UBE2E3: variants seen among roughly 807,000 people sequenced by gnomAD.
UBE2E3 encodes ubiquitin conjugating enzyme E2 E3.
In UBE2E3, 5 loss-of-function variants were observed where a neutral mutation model predicts 23.6. The ratio of observed to expected loss-of-function variants is 0.21; its 90% CI spans 0.11 to 0.44. UBE2E3 has a LOEUF of 0.44. Ranked by LOEUF, UBE2E3 falls within the 20% of genes least tolerant of loss-of-function variation. The pLI is 0.99. For synonymous variants in UBE2E3, 78 were observed against 87.5 expected, an observed-to-expected ratio of 0.89 and a Z score of 0.60; for missense variants, 81 against 249.8, an observed-to-expected ratio of 0.32 and a Z score of 4.55.
intron 3 of UBE2E3, among the ~76,000 whole-genome samples, chr2:180,998,035 A>G (rs1352694477): frequency 1.3e-5 from 2 of 152,328 alleles, no homozygotes; most frequent in Admixed American, 1.3e-4. Flanking sequence ...AAAATGCCGT[A>G]GCACTAACTA....
chr2:181,011,267 C>T (rs1344150223), intron 3 of UBE2E3, among the ~76,000 whole-genome samples: 1 of 151,968 alleles, frequency 6.6e-6, no homozygotes, highest in East Asian at 1.9e-4. Context: ...GCAGGACCTT[C>T]TTTCTAGGAT....
intron 4 of UBE2E3, among the ~76,000 whole-genome samples, chr2:181,059,192 A>G (rs947480033): frequency 2.6e-5 from 4 of 151,722 alleles, no homozygotes; most frequent in Admixed American, 6.6e-5. Flanking sequence ...TAGTTGGACA[A>G]ATGAAAAATA....
At chr2:181,028,076 T>G (rs1201837855) in intron 3 of UBE2E3, among the ~76,000 whole-genome samples, 2 of 152,062 alleles carry the variant, frequency 1.3e-5, no homozygotes, top group Admixed American at 1.3e-4. Flanking sequence ...TCCTTACTTC[T>G]TATAAAAATA....
chr2:181,028,789 A>G (rs183860302), intron 3 of UBE2E3, among the ~76,000 whole-genome samples: 1 of 152,122 alleles, frequency 6.6e-6, no homozygotes, highest in Admixed American at 6.5e-5. Flanking sequence ...TTGTACATAT[A>G]TGTTGCAAAA....
At chr2:180,981,852 A>G (rs1684303257) in intron 1 of UBE2E3, among the ~76,000 whole-genome samples, 166 bp from the exon 2 acceptor site, 1 of 150,356 alleles carries the variant, frequency 6.7e-6, no homozygotes, top group Admixed American at 6.6e-5. Context: ...GCGTTGTGTG[A>G]CACATCACCT....
At chr2:181,011,820 G>A (rs968631544) in intron 3 of UBE2E3, among the ~76,000 whole-genome samples, 2 of 152,098 alleles carry the variant, frequency 1.3e-5, no homozygotes, top group African/African-American at 4.8e-5. Context: ...CTCCTTTTAA[G>A]TGATTTTAGG....
chr2:181,018,512 T>A (rs374821810), intron 3 of UBE2E3, among the ~76,000 whole-genome samples: 11 of 152,168 alleles, frequency 7.2e-5, no homozygotes, highest in East Asian at 5.8e-4. Flanking sequence ...TGATGAGCTT[T>A]TGTGCCCGAG....
intron 3 of UBE2E3, among the ~76,000 whole-genome samples, chr2:181,004,961 G>GC (rs745646811): frequency 2.6e-5 from 4 of 152,176 alleles, no homozygotes; most frequent in Non-Finnish European, 4.4e-5. Flanking sequence ...ACTTTTATTT[G>GC]CATATACTTG....
chr2:181,018,602 T>TG (rs1245037909), intron 3 of UBE2E3, among the ~76,000 whole-genome samples: 1 of 89,204 alleles, frequency 1.1e-5, no homozygotes, highest in Non-Finnish European at 2.9e-5. Context: ...TTCTGTGTTT[T>TG]TTTTTTTTTT....
chr2:181,039,803 A>C (rs888178456), intron 3 of UBE2E3, among the ~76,000 whole-genome samples: 2 of 152,232 alleles, frequency 1.3e-5, no homozygotes, highest in East Asian at 1.9e-4. Context: ...ACAGATACCA[A>C]AATTCTCAAA....
intron 3 of UBE2E3, among the ~76,000 whole-genome samples, chr2:181,045,220 ATTT>A (rs1263134289): frequency 6.6e-6 from 1 of 152,206 alleles, no homozygotes; most frequent in Non-Finnish European, 1.5e-5. Context: ...CATTTGATCA[ATTT>A]TAAAAAGCTG....
At chr2:181,010,548 C>T (rs1355407064) in intron 3 of UBE2E3, among the ~76,000 whole-genome samples, 1 of 152,148 alleles carries the variant, frequency 6.6e-6, no homozygotes, top group African/African-American at 2.4e-5. Flanking sequence ...CCTCCTGAAT[C>T]TGTGTTCTCT....
chr2:180,980,430 C>G (rs1341140200), upstream of UBE2E3: 9 of 151,262 alleles, frequency 5.9e-5, no homozygotes, highest in Admixed American at 5.9e-4. This position sits in a 1 kb window ranked among gnomAD's most constrained non-coding sequence, Gnocchi z 5.5. Context: ...TTGTCCTGGC[C>G]GCGCGCGGGC....
rs545373771 is a variant in UBE2E3, at chr2:181,048,151, C to T, written c.246-9542C>T. On this transcript the variant is annotated intron_variant, in intron 3 of 5. Transcript: ENST00000410062. ...TAAATATTGCTTCCTCTGACTCTTC[C>T]CTTATCTCTCTAACATTTCCCCGGC... 2.0e-5 allele frequency among the ~76,000 whole-genome samples: 3 copies of T among 152,234 alleles called. No homozygotes were observed. In the East Asian group the frequency reaches 5.8e-4, roughly 30 times the overall value.
intron 3 of UBE2E3, among the ~76,000 whole-genome samples, chr2:181,015,010 G>A (rs1685444082): frequency 6.6e-6 from 1 of 152,186 alleles, no homozygotes; most frequent in Non-Finnish European, 1.5e-5. Flanking sequence ...CAGCCCTTAA[G>A]ATGTGTGGTC....
chr2:180,986,597 T>C (rs958180662), intron 3 of UBE2E3, among the ~76,000 whole-genome samples: 1 of 152,132 alleles, frequency 6.6e-6, no homozygotes, highest in Non-Finnish European at 1.5e-5. Context: ...AATTTATTAA[T>C]TTATGCTATA....
chr2:181,003,405 A>T (rs1309452327), intron 3 of UBE2E3, among the ~76,000 whole-genome samples: 2 of 152,234 alleles, frequency 1.3e-5, no homozygotes, highest in Non-Finnish European at 2.9e-5. Flanking sequence ...AGACATTTCT[A>T]GAAGTACTTT....
At chr2:181,044,414 A>G (rs1686609377) in intron 3 of UBE2E3, among the ~76,000 whole-genome samples, 1 of 152,180 alleles carries the variant, frequency 6.6e-6, no homozygotes. Flanking sequence ...GAAGGATGCC[A>G]AATATCACTT....
chr2:181,057,132 G>A (rs1471560269), intron 3 of UBE2E3, among the ~76,000 whole-genome samples: 2 of 151,950 alleles, frequency 1.3e-5, no homozygotes, highest in Non-Finnish European at 1.5e-5. Flanking sequence ...AGGAAATAAC[G>A]TGGTTCCAAG....
Sources: allele counts gnomAD v4.1 joint callset (sites outside exome capture counted in the v4.1 genomes callset), GRCh38; gene constraint gnomAD v4.1.1; non-coding constraint Gnocchi (gnomAD v3.1); transcripts MANE v1.5; gene names NCBI Gene and HGNC (gene_info 2026-07-23, HGNC 2026-07-21).